The following TADA2B variants were observed in gnomAD, a reference collection of about 807,000 sequenced individuals.
TADA2B encodes transcriptional adaptor 2B, also known as transcriptional adapter 2-beta.
In TADA2B, 13 loss-of-function variants were observed where a neutral mutation model predicts 34.5. That is an observed-to-expected ratio of 0.38 (90% CI 0.25 to 0.60). The LOEUF (loss-of-function observed/expected upper bound fraction) is 0.60, where lower values mean the gene tolerates loss of function less well. TADA2B is among the 20% of genes least tolerant of loss of function. The probability of loss-of-function intolerance (pLI) is 0.65; values close to 1 mark genes in which losing one functional copy is unlikely to be tolerated. For missense variants in TADA2B, 442 were observed against 575.0 expected (o/e 0.77, Z 2.37); for synonymous variants, 240 against 243.4 (o/e 0.99, Z 0.13).
rs771996154 is a variant in TADA2B, at chr4:7,054,558, G to A, written c.767G>A (p.Arg256His). The change falls in exon 2 of 2, where the codon CGC becomes CAC. Residue 256 changes from arginine to histidine, a missense_variant. Physicochemically the swap from Arg to His is conservative, Grantham distance 29. Coordinates refer to ENST00000310074, the MANE Select transcript of TADA2B (RefSeq NM_152293.3). ...ATCACCAAGGAGGAGAAGGAGCTGCGCCTGAAGCTGAGGCCGCTGTACCAG... is the reference window on the plus strand; with the variant it reads ...ATCACCAAGGAGGAGAAGGAGCTGCACCTGAAGCTGAGGCCGCTGTACCAG... ...RKITKEEKELRLKLRPLYQFM... is the reference protein window; with the variant it reads ...RKITKEEKELHLKLRPLYQFM... 1.2e-6 allele frequency: 2 copies of A among 1,613,870 alleles called. No homozygotes were observed. The highest frequency in any genetic ancestry group is 1.1e-5 in the South Asian group (1 of 91,086).
At chr4:7,048,933 A>G (rs111370970) in intron 1 of TADA2B, among the ~76,000 whole-genome samples, 2,086 of 152,240 alleles carry the variant, frequency 0.014, 52 homozygotes, top group African/African-American at 0.048. Flanking sequence ...ATCCCTTGTC[A>G]TCTGTGTGGC....
At chr4:7,049,132 G>C (rs1294652964) in intron 1 of TADA2B, among the ~76,000 whole-genome samples, 1 of 152,114 alleles carries the variant, frequency 6.6e-6, no homozygotes, top group East Asian at 1.9e-4. Flanking sequence ...AGGCTGGAGT[G>C]CAGTGGCACA....
rs1292043310 is a variant in TADA2B, at chr4:7,043,483, CGCG to C, written c.-83_-81del. 3,253 of 696,422 alleles carry C rather than the reference CGCG, an allele frequency of 4.7e-3. No individual in the cohort carries two copies. The highest frequency in any genetic ancestry group is 5.3e-3 in the Middle Eastern group (7 of 1,328). 43.1% of individuals were successfully genotyped at this position (696,422 alleles called of 1,614,324 possible). On this transcript the variant is annotated 5_prime_UTR_variant, in exon 1 of 2. Coordinates refer to ENST00000310074, the MANE Select transcript of TADA2B (RefSeq NM_152293.3). ...CGGCGGCGGGCGGCGGTTGCTCGTG[CGCG>C]GCGGCGGCGGCGGGTCCCGCGGGCG... is the stretch of plus-strand genomic sequence containing the variant.
In TADA2B at chr4:7,054,359, G is replaced by C; in HGVS notation, c.568G>C (p.Val190Leu). 1 of 1,613,568 alleles carries C rather than the reference G, an allele frequency of 6.2e-7. No homozygotes were observed. The highest frequency in any genetic ancestry group is 8.5e-7 in the Non-Finnish European group (1 of 1,179,902). The change falls in exon 2 of 2, where the codon GTC (valine) becomes CTC (leucine). Residue 190 changes from valine to leucine, a missense_variant. By Grantham distance (32) the Val-to-Leu change is conservative (BLOSUM62 1). Transcript: ENST00000310074. ...DAETLISGLS[V>L]NYDDDDVEIE... Reference sequence around the variant, plus strand: ...CGAGACGCTCATCAGCGGGCTCTCTGTCAACTATGATGACGACGACGTGGA... The same window carrying C: ...CGAGACGCTCATCAGCGGGCTCTCTCTCAACTATGATGACGACGACGTGGA...
At position 7,050,476 on chromosome 4, in the gene TADA2B, C is replaced by T. The variant is rs947603561; in HGVS notation, c.271-3586C>T. On this transcript the variant is annotated intron_variant, in intron 1 of 1. Coordinates refer to ENST00000310074, the MANE Select transcript of TADA2B (RefSeq NM_152293.3). ...CTGGTGCTGGGCCTCCCTTTGGAGA[C>T]GACGCCTGGCCCCAAACCACCGGGA... 6.6e-5 allele frequency among the ~76,000 whole-genome samples: 10 copies of T among 152,234 alleles called. No homozygotes were observed. The East Asian group carries it at 7.7e-4, about 12-fold the overall frequency.
At chr4:7,043,876 C>T (rs1042264278) in intron 1 of TADA2B, 27 bp downstream of exon 1, 1 of 1,453,448 alleles carries the variant, frequency 6.9e-7, no homozygotes. Flanking sequence ...GGGCCGGGTC[C>T]CGGCTAGGGC....
chr4:7,050,882 C>T (rs993115329), intron 1 of TADA2B, among the ~76,000 whole-genome samples: 2 of 152,178 alleles, frequency 1.3e-5, no homozygotes, highest in East Asian at 1.9e-4. Flanking sequence ...GGGCGCGTGG[C>T]GACGGGTGTA....
At chr4:7,046,531 A>G (rs541004782) in intron 1 of TADA2B, among the ~76,000 whole-genome samples, 3 of 152,342 alleles carry the variant, frequency 2.0e-5, no homozygotes, top group African/African-American at 4.8e-5. Context: ...ACGCAGGCCT[A>G]TGTGATTCCA....
At chr4:7,051,751 C>G (rs1478580706) in intron 1 of TADA2B, among the ~76,000 whole-genome samples, 3 of 152,164 alleles carry the variant, frequency 2.0e-5, no homozygotes. Flanking sequence ...GCGCCCGCCA[C>G]CACGCCTGGC....
rs906137020 is a variant in TADA2B, at chr4:7,057,280, G to T, written c.*2226G>T. ...TGGTATGAAGAATTTATTTAGGCTT[G>T]ACTGTTTTAAAACACCATAATGAAT... On this transcript the variant is annotated 3_prime_UTR_variant, in exon 2 of 2. Coordinates refer to ENST00000310074, the MANE Select transcript of TADA2B (RefSeq NM_152293.3). 1.3e-5 allele frequency: 2 copies of T among 152,150 alleles called. No individual in the cohort carries two copies. Among genetic ancestry groups the T allele is most frequent in the Non-Finnish European group, 2.9e-5 (2 of 68,014 alleles). The allele number at this position is 152,150 out of a possible 1,614,324, so 9.4% of individuals were successfully genotyped here.
intron 1 of TADA2B, chr4:7,045,987 G>T (rs1723620149): frequency 6.6e-6 from 1 of 152,344 alleles, no homozygotes; most frequent in Admixed American, 6.5e-5. Flanking sequence ...TGACTCAGCT[G>T]GTAGAGGAGG....
rs1723698332 is a variant in TADA2B, at chr4:7,048,819, G to T, written c.270+4970G>T. 2.0e-5 allele frequency among the ~76,000 whole-genome samples: 3 copies of T among 152,250 alleles called. No individual in the cohort carries two copies. The South Asian group carries it at 6.2e-4, about 32-fold the overall frequency. ...GGACCTCAAATGCGTGGGTCCTGCA[G>T]GATTTGTCCTTTTCTGACTGGCGTA... On this transcript the variant is annotated intron_variant, in intron 1 of 1. Coordinates refer to ENST00000310074, the MANE Select transcript of TADA2B (RefSeq NM_152293.3).
rs773462565 is a variant in TADA2B, at chr4:7,054,934, C to T, written c.1143C>T (p.Leu381=). 6.2e-7 allele frequency: 1 copy of T among 1,613,800 alleles called. No homozygotes were observed. The highest frequency in any genetic ancestry group is 1.3e-5 in the African/African-American group (1 of 74,904). ...TVKTIIIKDH[L]QKRQGIPSKS... is the part of the protein sequence containing the mutation. ...AGACTATTATAATTAAAGACCACCT[C>T]CAGAAGCGGCAAGGAATCCCCTCCA... The change falls in exon 2 of 2, where the codon CTC becomes CTT. Residue 381 remains leucine, a synonymous_variant. Coordinates refer to ENST00000310074, the MANE Select transcript of TADA2B (RefSeq NM_152293.3).
chr4:7,053,946 A>C (rs1469974067), intron 1 of TADA2B, 116 bp from the exon 2 acceptor site: 5 of 1,207,716 alleles, frequency 4.1e-6, no homozygotes, highest in Non-Finnish European at 5.7e-6. Context: ...AGGGTGGGTA[A>C]CGGTGCTGTA....
rs1294587950 is a variant in TADA2B at position 7,056,854 on chromosome 4, C to G, written c.*1800C>G. ...GATGGTGCTAAGTTTTTACAGTTGT[C>G]TTAGCCCCAGTGGTTCTCAAGGTGG... On this transcript the variant is annotated 3_prime_UTR_variant, in exon 2 of 2. Coordinates refer to ENST00000310074, the MANE Select transcript of TADA2B (RefSeq NM_152293.3). 1 of 152,220 alleles carries G rather than the reference C, an allele frequency of 6.6e-6. No individual in the cohort carries two copies. The highest frequency in any genetic ancestry group is 6.5e-5 in the Admixed American group (1 of 15,284). 9.4% of individuals were successfully genotyped at this position (152,220 alleles called of 1,614,324 possible).
In TADA2B at chr4:7,055,942, G is replaced by T. The variant is rs1357009651; in HGVS notation, c.*888G>T. ...TTAAGACGTGAGTGCATTTCACTTG[G>T]AAGAACCCATTGTACAAAGTTCAAG... On this transcript the variant is annotated 3_prime_UTR_variant, in exon 2 of 2. Transcript: ENST00000310074. 6.6e-6 allele frequency: 1 copy of T among 152,258 alleles called. No homozygotes were observed. The highest frequency in any genetic ancestry group is 1.5e-5 in the Non-Finnish European group (1 of 68,052). The allele number at this position is 152,258 out of a possible 1,614,324, so 9.4% of individuals were successfully genotyped here.
At chr4:7,044,328 C>T (rs923737179) in intron 1 of TADA2B, among the ~76,000 whole-genome samples, 2 of 152,194 alleles carry the variant, frequency 1.3e-5, no homozygotes, top group African/African-American at 4.8e-5. Context: ...ATGCATGTGC[C>T]CTGTGTGGTC....
In TADA2B at chr4:7,057,785, C is replaced by CAAAA. The variant is rs61371789; in HGVS notation, c.*2736_*2739dup. 132,403 of 149,858 alleles carry CAAAA rather than the reference C, an allele frequency of 0.88. 59,943 individuals carry two copies. The highest frequency in any genetic ancestry group is 1 in the East Asian group (5,107 of 5,122). The allele number at this position is 149,858 out of a possible 1,614,324, so 9.3% of individuals were successfully genotyped here. A position where few individuals can be genotyped will look rare whatever the true frequency, so the allele number is the denominator to read the frequency against. On this transcript the variant is annotated 3_prime_UTR_variant, in exon 2 of 2. Coordinates refer to ENST00000310074, the MANE Select transcript of TADA2B (RefSeq NM_152293.3). The stretch of plus-strand genomic sequence containing the variant: ...CTGGTGACAGAGCAAGACTCCATCT[C>CAAAA]AAAAAAAATCTAAGCAAACTATCTT...
At chr4:7,052,258 G>C (rs918088405) in intron 1 of TADA2B, among the ~76,000 whole-genome samples, 2 of 152,262 alleles carry the variant, frequency 1.3e-5, no homozygotes, top group Non-Finnish European at 2.9e-5. Flanking sequence ...AAGCACAGAC[G>C]TGAGGCGTTG....
Sources: gnomAD v4.1 joint callset for allele counts (sites outside exome capture counted in the v4.1 genomes callset) on GRCh38, gnomAD v4.1.1 for gene constraint, MANE v1.5 for transcripts, NCBI Gene and HGNC (gene_info 2026-07-23, HGNC 2026-07-21) for gene names.